APOOL: variants seen among roughly 807,000 people sequenced by gnomAD.
APOOL encodes MICOS complex subunit MIC27.
A neutral mutation model predicts 23.1 loss-of-function variants in APOOL; 12 were observed. The ratio of observed to expected loss-of-function variants is 0.52; its 90% CI spans 0.33 to 0.84. The LOEUF (loss-of-function observed/expected upper bound fraction) is 0.84, where lower values mean the gene tolerates loss of function less well. Among genes scored for constraint, APOOL ranks in the 40% least tolerant of loss-of-function variants. The probability of loss-of-function intolerance (pLI) is 0.02; values close to 1 mark genes in which losing one functional copy is unlikely to be tolerated. For missense variants in APOOL, 212 were observed against 199.6 expected (o/e 1.06, Z -0.37); for synonymous variants, 77 against 69.9 (o/e 1.10, Z -0.51).
In APOOL at chrX:85,091,830, AT is replaced by A. The variant is rs1032490944; in HGVS notation, c.*4159del. ...AATTTATCTCCAGTATTTGAAATGA[AT>A]TTTTTTAAACCTCAGATCTGAATAT... On this transcript the variant is annotated 3_prime_UTR_variant, in exon 9 of 9. Coordinates refer to ENST00000373173, the MANE Select transcript of APOOL (RefSeq NM_198450.6). The A allele has an allele frequency of 7.2e-5, 8 of 111,376 alleles. No homozygotes were observed. Among genetic ancestry groups the A allele is most frequent in the African/African-American group, 2.6e-4 (8 of 30,638 alleles). 9.2% of individuals were successfully genotyped at this position (111,376 alleles called of 1,213,427 possible).
chrX:85,069,311 G>A (rs1268504615), intron 6 of APOOL, among the ~76,000 whole-genome samples: 1 of 110,767 alleles, frequency 9.0e-6, no homozygotes, highest in South Asian at 3.8e-4. Context: ...AGGACCAGTA[G>A]TTAACAATTA....
rs514948 is a variant in APOOL, at chrX:85,045,230, C to T, written c.16-1216C>T. On this transcript the variant is annotated intron_variant, in intron 1 of 8. Coordinates refer to ENST00000373173, the MANE Select transcript of APOOL (RefSeq NM_198450.6). The stretch of plus-strand genomic sequence containing the variant: ...TCATTCTGTGATGCTGTTTCCTGTA[C>T]TAGAAGGAGGCATGGGGGAGGAGAA... 5.4e-3 allele frequency among the ~76,000 whole-genome samples: 597 copies of T among 111,360 alleles called. 2 individuals carry two copies. The highest frequency in any genetic ancestry group is 0.018 in the African/African-American group (562 of 30,694).
At chrX:85,017,450 C>T (rs1164792664) in intron 1 of APOOL, among the ~76,000 whole-genome samples, 1 of 112,041 alleles carries the variant, frequency 8.9e-6, no homozygotes. Context: ...GCGCGGCTTT[C>T]AGGCCCTCTT....
At chrX:85,024,627 A>G (rs1279579166) in intron 1 of APOOL, among the ~76,000 whole-genome samples, 4 of 112,539 alleles carry the variant, frequency 3.6e-5, no homozygotes, top group African/African-American at 1.3e-4. Flanking sequence ...TTTGCACCAT[A>G]AAGTTGAGAG....
chrX:85,044,270 G>GTATA (rs1556366425), intron 1 of APOOL, among the ~76,000 whole-genome samples: 2 of 107,397 alleles, frequency 1.9e-5, no homozygotes, highest in East Asian at 3.0e-4. Context: ...GTGTGTGTGT[G>GTATA]TATATATATA....
At chrX:85,012,522 A>G (rs1921325824) in intron 1 of APOOL, among the ~76,000 whole-genome samples, 1 of 111,490 alleles carries the variant, frequency 9.0e-6, no homozygotes, top group Admixed American at 9.6e-5. Context: ...TGTCCCTTCT[A>G]TGCCAGTTTT....
intron 8 of APOOL, among the ~76,000 whole-genome samples, chrX:85,083,961 A>G (rs1353318328): frequency 9.0e-6 from 1 of 110,909 alleles, no homozygotes; most frequent in Admixed American, 9.7e-5. Context: ...TAGAGAGCAA[A>G]CGTATAAAAT....
At chrX:85,080,057 A>AT (rs752917185) in intron 8 of APOOL, among the ~76,000 whole-genome samples, 5 of 111,254 alleles carry the variant, frequency 4.5e-5, no homozygotes, top group Non-Finnish European at 7.5e-5. Flanking sequence ...GGATTCATTG[A>AT]TTTTTTGAAG....
rs182959485 is a variant in APOOL at position 85,010,600 on chromosome X, T to C, written c.15+6673T>C. Among the ~76,000 whole-genome samples the C allele has an allele frequency of 6.0e-3, 673 of 111,843 alleles. 5 individuals are homozygous for C. The highest frequency in any genetic ancestry group is 0.021 in the African/African-American group (650 of 30,781). ...CACTTATTAGTGAAAACATGATAGT[T>C]GGTTTTCAATACCTGAGTTACTTCA... On this transcript the variant is annotated intron_variant, in intron 1 of 8. Transcript: ENST00000373173.
At chrX:85,056,787 A>G (rs1189968408) in intron 5 of APOOL, among the ~76,000 whole-genome samples, 1 of 111,789 alleles carries the variant, frequency 8.9e-6, no homozygotes, top group African/African-American at 3.3e-5. Flanking sequence ...AATTCATACA[A>G]TTCTATCAGT....
At position 85,051,482 on chromosome X, in the gene APOOL, A is replaced by G. The variant is rs376748779; in HGVS notation, c.214A>G (p.Thr72Ala). Residue 72 changes from threonine (T) to alanine (A), a missense_variant, in exon 3 of 9, where the codon ACT (threonine) becomes GCT (alanine). Physicochemically the swap from Thr to Ala is moderately conservative, Grantham distance 58. Transcript: ENST00000373173. Reference sequence around the variant, plus strand: ...GGGCTTTGCTTCCATCCGCACTGCAACTGGTTGTTACATTGGCTGGTGCAA... The same window carrying G: ...GGGCTTTGCTTCCATCCGCACTGCAGCTGGTTGTTACATTGGCTGGTGCAA... ...QMGFASIRTA[T>A]GCYIGWCKGV... The G allele has an allele frequency of 7.9e-5, 95 of 1,209,674 alleles. No individual in the cohort carries two copies. In the African/African-American group the frequency reaches 1.6e-3, roughly 20 times the overall value.
At position 85,088,147 on chromosome X, in the gene APOOL, TATAAATA is replaced by T. The variant is rs1569462392; in HGVS notation, c.*470_*476del. 4.3e-5 allele frequency: 3 copies of T among 70,529 alleles called. No individual in the cohort carries two copies. Among genetic ancestry groups the T allele is most frequent in the Non-Finnish European group, 7.9e-5 (3 of 38,096 alleles). 5.8% of individuals were successfully genotyped at this position (70,529 alleles called of 1,213,427 possible). On this transcript the variant is annotated 3_prime_UTR_variant, in exon 9 of 9. Coordinates refer to ENST00000373173, the MANE Select transcript of APOOL (RefSeq NM_198450.6). ...ATACATACATATTTATACATATATG[TATAAATA>T]CATACATATTTATACATATATGTAT...
At chrX:85,037,505 C>T (rs370961198) in intron 1 of APOOL, among the ~76,000 whole-genome samples, 1 of 111,589 alleles carries the variant, frequency 9.0e-6, no homozygotes, top group Non-Finnish European at 1.9e-5. Flanking sequence ...AAACCTCTTT[C>T]TTTGGTAAAT....
intron 6 of APOOL, among the ~76,000 whole-genome samples, chrX:85,069,180 A>G (rs1032090730): frequency 9.0e-6 from 1 of 110,658 alleles, no homozygotes; most frequent in Non-Finnish European, 1.9e-5. Flanking sequence ...ATTCAAATAT[A>G]TGATTTTTTT....
chrX:85,037,739 A>G (rs1922262951), intron 1 of APOOL, among the ~76,000 whole-genome samples: 1 of 111,357 alleles, frequency 9.0e-6, no homozygotes, highest in East Asian at 2.8e-4. Flanking sequence ...AGGATACCCT[A>G]TTGAACAAGT....
At chrX:85,036,105 A>G (rs1358860920) in intron 1 of APOOL, among the ~76,000 whole-genome samples, 1 of 112,349 alleles carries the variant, frequency 8.9e-6, no homozygotes. Flanking sequence ...CTTCCTATCC[A>G]TGAGCATGGA....
rs1220187066 is a variant in APOOL at position 85,092,351 on chromosome X, G to C, written c.*4673G>C. 3 of 1,140,209 alleles carry C rather than the reference G, an allele frequency of 2.6e-6. No individual in the cohort carries two copies. Among genetic ancestry groups the C allele is most frequent in the Admixed American group, 2.9e-5 (1 of 34,293 alleles). The allele number at this position is 1,140,209 out of a possible 1,213,427, so 94.0% of individuals were successfully genotyped here. On this transcript the variant is annotated 3_prime_UTR_variant, in exon 9 of 9. Transcript: ENST00000373173. Reference sequence around the variant, plus strand: ...TGTTAGACTCAGGTGACAGTCAAATGTTGGAGGCTGTGTTGGGATGAGTTG... The same window carrying C: ...TGTTAGACTCAGGTGACAGTCAAATCTTGGAGGCTGTGTTGGGATGAGTTG...
Position 85,092,358 on chromosome X carries a change from G to T in APOOL, c.*4680G>T. The T allele has an allele frequency of 8.7e-7, 1 of 1,144,176 alleles. No homozygotes were observed. Among genetic ancestry groups the T allele is most frequent in the Non-Finnish European group, 1.2e-6 (1 of 861,830 alleles). 94.3% of individuals were successfully genotyped at this position (1,144,176 alleles called of 1,213,427 possible). On this transcript the variant is annotated 3_prime_UTR_variant, in exon 9 of 9. Coordinates refer to ENST00000373173, the MANE Select transcript of APOOL (RefSeq NM_198450.6). ...CTCAGGTGACAGTCAAATGTTGGAGGCTGTGTTGGGATGAGTTGTTACAAA... is the reference window on the plus strand; with the variant it reads ...CTCAGGTGACAGTCAAATGTTGGAGTCTGTGTTGGGATGAGTTGTTACAAA...
At chrX:85,059,938 A>G (rs1402897753) in intron 5 of APOOL, among the ~76,000 whole-genome samples, 76 of 109,273 alleles carry the variant, frequency 7.0e-4, no homozygotes, top group African/African-American at 2.5e-3. Flanking sequence ...TGTTTGAGAC[A>G]TGAAGTCCTT....
Sources: allele counts gnomAD v4.1 joint callset (sites outside exome capture counted in the v4.1 genomes callset), GRCh38; gene constraint gnomAD v4.1.1; transcripts MANE v1.5; gene names NCBI Gene and HGNC (gene_info 2026-07-23, HGNC 2026-07-21).